Variants in ZNF536 observed in about 807,000 individuals in gnomAD.
ZNF536 encodes zinc finger protein 536.
In ZNF536, 13 loss-of-function variants were observed where a neutral mutation model predicts 84.5. That is an observed-to-expected ratio of 0.15 (90% CI 0.10 to 0.24). The LOEUF (loss-of-function observed/expected upper bound fraction) is 0.24, where lower values mean the gene tolerates loss of function less well. ZNF536 is among the 10% of genes least tolerant of loss of function. The pLI is 1.00. For synonymous variants in ZNF536, 811 were observed against 742.5 expected (o/e 1.09, Z -1.50); for missense variants, 1,536 against 1,747.5 (o/e 0.88, Z 2.16).
At chr19:30,409,391 T>G (rs1474940393) in intron 1 of ZNF536, among the ~76,000 whole-genome samples, 1 of 152,188 alleles carries the variant, frequency 6.6e-6, no homozygotes, top group Non-Finnish European at 1.5e-5. Flanking sequence ...CTCTCTTTTC[T>G]TATGTTGTTA....
intron 2 of ZNF536, among the ~76,000 whole-genome samples, chr19:30,476,736 C>T (rs560536263): frequency 1.1e-3 from 163 of 152,276 alleles, no homozygotes; most frequent in African/African-American, 3.7e-3. Flanking sequence ...TTTAGTGGCT[C>T]CTCAAGCCCG....
chr19:30,353,889 C>G (rs1447320128), intron 3 of ZNF536, among the ~76,000 whole-genome samples: 1 of 152,170 alleles, frequency 6.6e-6, no homozygotes, highest in African/African-American at 2.4e-5. Flanking sequence ...AGTTTAGCAT[C>G]CATGCCTCAG....
intron 2 of ZNF536, among the ~76,000 whole-genome samples, chr19:30,322,779 C>T: frequency 6.6e-6 from 1 of 152,124 alleles, no homozygotes; most frequent in East Asian, 1.9e-4. Context: ...CCACCGAGCC[C>T]CTTACTCTCA....
intron 2 of ZNF536, among the ~76,000 whole-genome samples, chr19:30,337,165 A>C (rs1191766055): frequency 6.6e-6 from 1 of 151,936 alleles, no homozygotes; most frequent in Non-Finnish European, 1.5e-5. Context: ...GATCACCCTC[A>C]AGGGAGACTG....
At chr19:30,547,502 T>G (rs764249672) in intron 3 of ZNF536, among the ~76,000 whole-genome samples, 2 of 152,166 alleles carry the variant, frequency 1.3e-5, no homozygotes, top group Non-Finnish European at 2.9e-5. Flanking sequence ...GCCATAAAAT[T>G]TTTAGGTTTA....
intron 2 of ZNF536, among the ~76,000 whole-genome samples, chr19:30,337,978 T>G (rs1237116419): frequency 3.3e-5 from 5 of 150,614 alleles, no homozygotes; most frequent in African/African-American, 2.4e-5. Context: ...TGATTGTGAT[T>G]ATGATGATGA....
intron 2 of ZNF536, among the ~76,000 whole-genome samples, chr19:30,289,141 C>T (rs1015321275): frequency 2.0e-5 from 3 of 152,062 alleles, no homozygotes; most frequent in Admixed American, 1.3e-4. Flanking sequence ...ATGGATGCCA[C>T]GTGGTCATGG....
intron 2 of ZNF536, among the ~76,000 whole-genome samples, chr19:30,516,026 C>CAAAA (rs553504551): frequency 6.6e-4 from 50 of 75,574 alleles, no homozygotes; most frequent in Admixed American, 1.7e-3. Flanking sequence ...GACTCCATCT[C>CAAAA]AAAAAAAAAA....
chr19:30,381,706 A>G (rs747307495), intron 1 of ZNF536, among the ~76,000 whole-genome samples: 2 of 152,194 alleles, frequency 1.3e-5, no homozygotes, highest in Non-Finnish European at 2.9e-5. Context: ...AGGAAGCCTC[A>G]AAGGGTATGG....
At chr19:30,428,873 G>A (rs376377370) in intron 1 of ZNF536, among the ~76,000 whole-genome samples, 1 of 152,192 alleles carries the variant, frequency 6.6e-6, no homozygotes, top group African/African-American at 2.4e-5. Context: ...ATGGGTGATG[G>A]TTCAAGATCA....
intron 1 of ZNF536, among the ~76,000 whole-genome samples, chr19:30,235,938 C>G (rs2023461422): frequency 1.3e-5 from 2 of 152,234 alleles, no homozygotes; most frequent in African/African-American, 2.4e-5. Flanking sequence ...ACGGATAGAA[C>G]ATGGCTGGAT....
chr19:30,605,332 C>G (rs1250245228), intron 1 of ZNF536, among the ~76,000 whole-genome samples: 1 of 151,980 alleles, frequency 6.6e-6, no homozygotes, highest in East Asian at 1.9e-4. Flanking sequence ...ACCCCTGACC[C>G]CCTCCAAACC....
At chr19:30,435,715 C>T (rs2051715328) in intron 1 of ZNF536, among the ~76,000 whole-genome samples, 2 of 152,102 alleles carry the variant, frequency 1.3e-5, no homozygotes, top group African/African-American at 4.8e-5. Context: ...CCAGCAGCTA[C>T]TTGCCTGGCT....
intron 1 of ZNF536, among the ~76,000 whole-genome samples, chr19:30,590,583 G>A (rs910095160): frequency 6.6e-6 from 1 of 152,154 alleles, no homozygotes; most frequent in African/African-American, 2.4e-5. Flanking sequence ...TGTGTGCTAT[G>A]AGCTTGCATC....
At chr19:30,284,611 G>A (rs2045566634) in intron 2 of ZNF536, among the ~76,000 whole-genome samples, 1 of 152,204 alleles carries the variant, frequency 6.6e-6, no homozygotes, top group Non-Finnish European at 1.5e-5. Context: ...ACTCCAGATT[G>A]CAAACTCCTG....
At chr19:30,405,035 G>A (rs912074846) in intron 1 of ZNF536, among the ~76,000 whole-genome samples, 2 of 152,194 alleles carry the variant, frequency 1.3e-5, no homozygotes. Context: ...GAGAGGCGTA[G>A]GGGAATGTAT....
At chr19:30,454,397 A>G (rs745628112) in intron 2 of ZNF536, among the ~76,000 whole-genome samples, 1 of 152,300 alleles carries the variant, frequency 6.6e-6, no homozygotes, top group African/African-American at 2.4e-5. Context: ...GTCCTCAATC[A>G]TCTTGAGAGG....
intron 1 of ZNF536, among the ~76,000 whole-genome samples, chr19:30,605,117 G>A (rs529230075): frequency 5.9e-5 from 9 of 152,164 alleles, no homozygotes; most frequent in Non-Finnish European, 7.3e-5. Flanking sequence ...CATTCTACAT[G>A]TTCCTGCCAT....
At chr19:30,597,518 CT>C (rs1431998088) in intron 1 of ZNF536, among the ~76,000 whole-genome samples, 2 of 152,192 alleles carry the variant, frequency 1.3e-5, no homozygotes, top group Non-Finnish European at 2.9e-5. Context: ...TCTACTGTGC[CT>C]TTGGCTACAC....
Sources: allele counts gnomAD v4.1 joint callset (sites outside exome capture counted in the v4.1 genomes callset), GRCh38; gene constraint gnomAD v4.1.1; transcripts MANE v1.5; gene names NCBI Gene and HGNC (gene_info 2026-07-23, HGNC 2026-07-21).